Variants in ANKRD17 observed in about 807,000 individuals in gnomAD.
The protein encoded by ANKRD17 is ankyrin repeat domain 17.
A neutral mutation model predicts 229.7 loss-of-function variants in ANKRD17; 19 were observed. The ratio of observed to expected loss-of-function variants is 0.08; its 90% CI spans 0.06 to 0.12. The LOEUF (loss-of-function observed/expected upper bound fraction) is 0.12. Ranked by LOEUF, ANKRD17 falls within the 10% of genes least tolerant of loss-of-function variation. The pLI is 1.00. For missense variants in ANKRD17, 2,176 were observed against 3,176.8 expected (o/e 0.68, Z 7.57); for synonymous variants, 1,112 against 1,146.1 (o/e 0.97, Z 0.60).
intron 22 of ANKRD17, among the ~76,000 whole-genome samples, chr4:73,117,211 GA>G (rs955576757): frequency 1.3e-5 from 2 of 152,090 alleles, no homozygotes; most frequent in African/African-American, 2.4e-5. Flanking sequence ...AGTAACTTTG[GA>G]AAAATGAAGA....
chr4:73,240,761 A>G lies in ANKRD17; in HGVS notation c.393+17515T>C, dbSNP rs563002735. On this transcript the variant is annotated intron_variant, in intron 1 of 33. Coordinates refer to ENST00000358602, the MANE Select transcript of ANKRD17 (RefSeq NM_032217.5). ...GGAAACTGCTTAGTACAAGTAGCCA[A>G]TTTTAGTATTCAGGCCTTCAGCTTA... Among the ~76,000 whole-genome samples, 4 of 151,764 alleles carry G rather than the reference A, an allele frequency of 2.6e-5. No homozygotes were observed. In the South Asian group the frequency reaches 8.3e-4, roughly 31 times the overall value.
intron 14 of ANKRD17, among the ~76,000 whole-genome samples, chr4:73,141,024 C>T (rs1729531599): frequency 6.6e-6 from 1 of 152,164 alleles, no homozygotes; most frequent in African/African-American, 2.4e-5. Flanking sequence ...GAAAAAGGTG[C>T]CAAGGCTCTA....
intron 1 of ANKRD17, among the ~76,000 whole-genome samples, chr4:73,223,668 C>A (rs1484005662): frequency 6.6e-6 from 1 of 152,090 alleles, no homozygotes; most frequent in Non-Finnish European, 1.5e-5. Flanking sequence ...CTGAAGCAAG[C>A]TATAATATTT....
At chr4:73,154,187 A>G (rs897231434) in intron 5 of ANKRD17, 74 bp from the exon 6 acceptor site, 3 of 1,002,402 alleles carry the variant, frequency 3.0e-6, no homozygotes, top group Non-Finnish European at 4.2e-6. Flanking sequence ...ATTTACATTA[A>G]GAAAATGGAA....
chr4:73,154,210 A>T, intron 5 of ANKRD17, 97 bp from the exon 6 acceptor site: 1 of 648,946 alleles, frequency 1.5e-6, no homozygotes, highest in Non-Finnish European at 2.4e-6. Flanking sequence ...AGAAGACTAC[A>T]ACCATAATAA....
chr4:73,149,553 C>A (rs902882507), intron 7 of ANKRD17, among the ~76,000 whole-genome samples: 1 of 152,042 alleles, frequency 6.6e-6, no homozygotes, highest in Non-Finnish European at 1.5e-5. Context: ...CTATATTGTT[C>A]ATCGTCCAAG....
intron 1 of ANKRD17, among the ~76,000 whole-genome samples, chr4:73,208,716 T>A (rs1040570280): frequency 1.3e-5 from 2 of 152,166 alleles, no homozygotes; most frequent in Admixed American, 1.3e-4. Context: ...TAGAACTAAA[T>A]GCTAATAAAA....
chr4:73,127,927 A>G (rs998866909), intron 16 of ANKRD17, among the ~76,000 whole-genome samples: 1 of 152,250 alleles, frequency 6.6e-6, no homozygotes, highest in African/African-American at 2.4e-5. Flanking sequence ...AAAAAGAAAA[A>G]GCCTACTAGT....
intron 24 of ANKRD17, chr4:73,102,824 G>A (rs903125944): frequency 4.3e-5 from 13 of 305,596 alleles, no homozygotes; most frequent in Non-Finnish European, 7.0e-5. Context: ...AAGTTGAACC[G>A]ACAAAATACC....
At chr4:73,088,266 T>C (rs1722407807) in intron 29 of ANKRD17, among the ~76,000 whole-genome samples, 1 of 152,050 alleles carries the variant, frequency 6.6e-6, no homozygotes, top group Admixed American at 6.6e-5. Context: ...AAAATTAGGA[T>C]CTGAGAGAGG....
intron 16 of ANKRD17, among the ~76,000 whole-genome samples, chr4:73,126,858 G>C (rs1299459624): frequency 6.6e-6 from 1 of 152,122 alleles, no homozygotes; most frequent in African/African-American, 2.4e-5. Context: ...TCAGCTTCCT[G>C]AGTAGCTGGG....
chr4:73,231,446 C>T (rs1008394285), intron 1 of ANKRD17, among the ~76,000 whole-genome samples: 1 of 152,162 alleles, frequency 6.6e-6, no homozygotes, highest in Non-Finnish European at 1.5e-5. Context: ...TACCACTCTG[C>T]GCTCTGCTAT....
intron 1 of ANKRD17, among the ~76,000 whole-genome samples, chr4:73,213,031 G>GA (rs11371589): frequency 0.4 from 53,013 of 131,240 alleles, 11,075 homozygotes; most frequent in Admixed American, 0.52. Context: ...CGTTTCAGGG[G>GA]AAAAAAAAAA....
At chr4:73,103,930 C>G (rs1168307158) in intron 24 of ANKRD17, 1 of 151,978 alleles carries the variant, frequency 6.6e-6, no homozygotes, top group Non-Finnish European at 1.5e-5. Flanking sequence ...CTCAAACCAG[C>G]TCTCTGCTAG....
At chr4:73,240,484 G>A (rs955420908) in intron 1 of ANKRD17, among the ~76,000 whole-genome samples, 2 of 151,306 alleles carry the variant, frequency 1.3e-5, no homozygotes, top group Non-Finnish European at 2.9e-5. Flanking sequence ...AATTAGCTAG[G>A]CATGGTGGCA....
intron 1 of ANKRD17, among the ~76,000 whole-genome samples, chr4:73,181,850 C>T (rs1253940528): frequency 6.6e-6 from 1 of 151,488 alleles, no homozygotes. Flanking sequence ...GAGTTCGAGA[C>T]CAGCCTGGCC....
intron 1 of ANKRD17, among the ~76,000 whole-genome samples, chr4:73,240,755 T>C (rs1257120688): frequency 2.0e-5 from 3 of 151,520 alleles, no homozygotes; most frequent in South Asian, 2.1e-4. Flanking sequence ...TTAGTACAAG[T>C]AGCCAATTTT....
rs1306967540 is a variant in ANKRD17, at chr4:73,142,159, C to T, written c.2229+83G>A. ...AACTACATATTAGAACAAAAAAAAA[C>T]CCTAATTTAAACAGAAACTGTAAGT... On this transcript the variant is annotated intron_variant, in intron 13 of 33. Transcript: ENST00000358602. 10 of 1,370,178 alleles carry T rather than the reference C, an allele frequency of 7.3e-6. No homozygotes were observed. The Admixed American group carries it at 8.7e-5, about 12-fold the overall frequency. The allele number at this position is 1,370,178 out of a possible 1,614,324, so 84.9% of individuals were successfully genotyped here.
chr4:73,190,006 G>A (rs1304336106), intron 1 of ANKRD17, among the ~76,000 whole-genome samples: 6 of 152,118 alleles, frequency 3.9e-5, no homozygotes, highest in East Asian at 1.9e-4. Context: ...ACAAAAGTAC[G>A]TGATTAAAGA....
Sources: allele counts gnomAD v4.1 joint callset (sites outside exome capture counted in the v4.1 genomes callset), GRCh38; gene constraint gnomAD v4.1.1; transcripts MANE v1.5; gene names NCBI Gene and HGNC (gene_info 2026-07-23, HGNC 2026-07-21).